The following XKR9 variants were observed in gnomAD, a reference collection of about 807,000 sequenced individuals.
XKR9 encodes XK related 9.
Under a neutral mutation model 32.0 loss-of-function variants are expected in XKR9, and 32 were observed. The observed-to-expected ratio is 1.00, with a 90% CI of 0.76 to 1.34. XKR9 has a LOEUF of 1.34. Ranked by LOEUF, XKR9 falls within the 40% of genes most tolerant of loss-of-function variation. The probability of loss-of-function intolerance (pLI) is 0.00; values close to 1 mark genes in which losing one functional copy is unlikely to be tolerated. For missense variants in XKR9, 546 were observed against 429.7 expected (o/e 1.27, Z -2.39); for synonymous variants, 168 against 143.4 (o/e 1.17, Z -1.22).
the XKR9 span, among the ~76,000 whole-genome samples, chr8:70,841,716 A>G: frequency 6.7e-3 from 1,021 of 152,244 alleles, 6 homozygotes; most frequent in Non-Finnish European, 9.6e-3. Context: ...TTTCCCCATG[A>G]TCAGGTTATA....
At chr8:70,678,965 C>G (rs1818973685) in intron 2 of XKR9, among the ~76,000 whole-genome samples, 1 of 152,130 alleles carries the variant, frequency 6.6e-6, no homozygotes, top group Non-Finnish European at 1.5e-5. Context: ...ATACCACAGA[C>G]TTATTAGCTT....
chr8:70,889,174 T>A, the XKR9 span, among the ~76,000 whole-genome samples: 1 of 151,892 alleles, frequency 6.6e-6, no homozygotes, highest in South Asian at 2.1e-4. Context: ...CCTCCTTAAT[T>A]ACATTTATTC....
chr8:70,972,960 T>G, the XKR9 span, among the ~76,000 whole-genome samples: 1 of 152,120 alleles, frequency 6.6e-6, no homozygotes, highest in South Asian at 2.1e-4. Context: ...GTTTTGGTAT[T>G]AGGGTGATAC....
the XKR9 span, among the ~76,000 whole-genome samples, chr8:70,832,449 C>T: frequency 6.6e-6 from 1 of 152,062 alleles, no homozygotes; most frequent in Non-Finnish European, 1.5e-5. Context: ...ATTTCCATGA[C>T]ATAGACAAAA....
At chr8:70,912,746 G>A in the XKR9 span, among the ~76,000 whole-genome samples, 4 of 151,890 alleles carry the variant, frequency 2.6e-5, no homozygotes, top group African/African-American at 9.7e-5. Flanking sequence ...GTACATGATG[G>A]GAAGAGAAAA....
At chr8:70,908,644 A>T in the XKR9 span, among the ~76,000 whole-genome samples, 1 of 152,226 alleles carries the variant, frequency 6.6e-6, no homozygotes, top group African/African-American at 2.4e-5. Flanking sequence ...GCAGTGGGAA[A>T]GCAGCCATAG....
the XKR9 span, among the ~76,000 whole-genome samples, chr8:70,928,470 T>C: frequency 2.0e-5 from 3 of 152,194 alleles, no homozygotes; most frequent in Non-Finnish European, 4.4e-5. Flanking sequence ...AAAAGGCTTA[T>C]AATCTGATTT....
the XKR9 span, among the ~76,000 whole-genome samples, chr8:70,832,603 A>G: frequency 1.3e-5 from 2 of 152,134 alleles, no homozygotes; most frequent in East Asian, 3.9e-4. Flanking sequence ...CTGTGTAATC[A>G]CTGGAATATT....
chr8:70,975,088 T>C, the XKR9 span, among the ~76,000 whole-genome samples: 2 of 152,188 alleles, frequency 1.3e-5, no homozygotes. Flanking sequence ...ATGGGGTTGA[T>C]TGATTTTTTT....
chr8:70,866,985 G>A, the XKR9 span, among the ~76,000 whole-genome samples: 4 of 152,170 alleles, frequency 2.6e-5, no homozygotes, highest in South Asian at 8.3e-4. Flanking sequence ...AGGTTGGCAA[G>A]CAGGTCCATC....
chr8:70,769,732 C>A (rs921949266), intron 2 of XKR9, among the ~76,000 whole-genome samples: 2 of 151,680 alleles, frequency 1.3e-5, no homozygotes, highest in African/African-American at 4.8e-5. Flanking sequence ...ATCGATTTGA[C>A]TCTTGATACT....
intron 2 of XKR9, chr8:70,781,041 T>A (rs1342921037): frequency 6.6e-6 from 1 of 152,148 alleles, no homozygotes; most frequent in Non-Finnish European, 1.5e-5. Flanking sequence ...GACCAACGAT[T>A]CTCTTCCTTT....
At chr8:70,814,305 A>AG in the XKR9 span, among the ~76,000 whole-genome samples, 1 of 151,772 alleles carries the variant, frequency 6.6e-6, no homozygotes, top group Non-Finnish European at 1.5e-5. Context: ...GGTGGGGGAA[A>AG]GGGGGAGGGA....
the XKR9 span, among the ~76,000 whole-genome samples, chr8:71,030,385 T>C: frequency 3.2e-4 from 49 of 152,294 alleles, no homozygotes; most frequent in South Asian, 6.6e-3. Context: ...GTAGGGCAAG[T>C]AACACCTTTA....
At chr8:70,678,394 A>T (rs949196432) in intron 2 of XKR9, among the ~76,000 whole-genome samples, 1 of 152,224 alleles carries the variant, frequency 6.6e-6, no homozygotes, top group African/African-American at 2.4e-5. Flanking sequence ...ATTTATAAAG[A>T]TCAAATCATT....
chr8:70,806,259 C>T, the XKR9 span, among the ~76,000 whole-genome samples: 4 of 150,280 alleles, frequency 2.7e-5, no homozygotes, highest in Admixed American at 6.6e-5. Flanking sequence ...AAACCCATTC[C>T]AAAGGTCAGC....
At chr8:70,796,303 T>G in the XKR9 span, among the ~76,000 whole-genome samples, 1 of 152,172 alleles carries the variant, frequency 6.6e-6, no homozygotes, top group Non-Finnish European at 1.5e-5. Context: ...GAGTCAATTT[T>G]GGTAATGTCT....
chr8:70,698,127 A>G (rs1805360599), intron 3 of XKR9, among the ~76,000 whole-genome samples: 1 of 152,098 alleles, frequency 6.6e-6, no homozygotes, highest in Admixed American at 6.5e-5. Flanking sequence ...GATCCTTTCA[A>G]AAAACCAGCT....
At chr8:70,730,158 C>T (rs990919494) in intron 4 of XKR9, among the ~76,000 whole-genome samples, 1 of 152,122 alleles carries the variant, frequency 6.6e-6, no homozygotes, top group African/African-American at 2.4e-5. Flanking sequence ...TCCTTCCTCC[C>T]CCTTTTTCCC....
Sources: allele counts gnomAD v4.1 joint callset (sites outside exome capture counted in the v4.1 genomes callset), GRCh38; gene constraint gnomAD v4.1.1; transcripts MANE v1.5; gene names NCBI Gene and HGNC (gene_info 2026-07-23, HGNC 2026-07-21).